Variants in PKN2 observed in about 807,000 individuals in gnomAD.
PKN2 encodes protein kinase N2, also known as serine/threonine-protein kinase N2.
Under a neutral mutation model 119.1 loss-of-function variants are expected in PKN2, and 38 were observed. The ratio of observed to expected loss-of-function variants is 0.32; its 90% CI spans 0.25 to 0.42. The LOEUF (loss-of-function observed/expected upper bound fraction) is 0.42, where lower values mean the gene tolerates loss of function less well. Ranked by LOEUF, PKN2 falls within the 10% of genes least tolerant of loss-of-function variation. PKN2 has a pLI of 1.00. For synonymous variants in PKN2, 390 were observed against 384.9 expected (o/e 1.01, Z -0.15); for missense variants, 850 against 1,165.1 (o/e 0.73, Z 3.94).
chr1:88,695,810 C>G (rs887701079), intron 1 of PKN2, among the ~76,000 whole-genome samples: 1 of 152,182 alleles, frequency 6.6e-6, no homozygotes, highest in Non-Finnish European at 1.5e-5. Flanking sequence ...GCATTATCCA[C>G]TGGCTCTTGG....
intron 2 of PKN2, among the ~76,000 whole-genome samples, chr1:88,756,804 A>C (rs995606621): frequency 6.6e-6 from 1 of 152,210 alleles, no homozygotes; most frequent in Non-Finnish European, 1.5e-5. Flanking sequence ...CTGCTGGTTA[A>C]TATTTATTGC....
intron 2 of PKN2, among the ~76,000 whole-genome samples, chr1:88,750,626 G>C (rs1424326146): frequency 2.0e-5 from 3 of 151,996 alleles, no homozygotes; most frequent in Non-Finnish European, 4.4e-5. Flanking sequence ...CCACCCTTTT[G>C]GATATTACCT....
intron 2 of PKN2, among the ~76,000 whole-genome samples, chr1:88,751,978 T>C (rs1669018471): frequency 6.6e-6 from 1 of 152,056 alleles, no homozygotes; most frequent in Non-Finnish European, 1.5e-5. Flanking sequence ...ATATCCTTTG[T>C]CTTCAGTGTT....
At chr1:88,742,346 A>G (rs901799210) in intron 2 of PKN2, among the ~76,000 whole-genome samples, 2 of 152,192 alleles carry the variant, frequency 1.3e-5, no homozygotes, top group African/African-American at 4.8e-5. Context: ...AACACTACTG[A>G]TATTTAGTGT....
intron 6 of PKN2, among the ~76,000 whole-genome samples, chr1:88,777,625 CTATTTCA>C (rs894960116): frequency 6.6e-5 from 10 of 152,162 alleles, no homozygotes; most frequent in African/African-American, 2.4e-4. Context: ...CCTGAGGTGT[CTATTTCA>C]TTAATATATT....
chr1:88,714,262 C>T (rs998955300), intron 1 of PKN2, among the ~76,000 whole-genome samples: 7 of 152,196 alleles, frequency 4.6e-5, no homozygotes, highest in Non-Finnish European at 8.8e-5. Context: ...CTTGGCAATG[C>T]GGGCTCTTTT....
intron 2 of PKN2, among the ~76,000 whole-genome samples, chr1:88,751,214 T>C (rs1408521874): frequency 6.6e-6 from 1 of 152,058 alleles, no homozygotes; most frequent in Non-Finnish European, 1.5e-5. Context: ...ATTAGCAGAA[T>C]CTAGGTGATG....
intron 18 of PKN2, among the ~76,000 whole-genome samples, chr1:88,825,595 C>T (rs1292831118): frequency 6.6e-6 from 1 of 152,166 alleles, no homozygotes; most frequent in South Asian, 2.1e-4. Flanking sequence ...GCCACTTAAC[C>T]TCCTGAATAT....
intron 1 of PKN2, among the ~76,000 whole-genome samples, chr1:88,709,743 G>T (rs544276911): frequency 6.6e-6 from 1 of 152,254 alleles, no homozygotes; most frequent in Admixed American, 6.5e-5. Flanking sequence ...TATTCAAATT[G>T]TGTATTACTC....
intron 2 of PKN2, 76 bp downstream of exon 2, chr1:88,741,364 T>C: frequency 1.0e-6 from 1 of 966,714 alleles, no homozygotes; most frequent in Non-Finnish European, 1.4e-6. Flanking sequence ...ATAGTAAGTT[T>C]GGGGACATGA....
chr1:88,745,775 C>T (rs1044510820), intron 2 of PKN2, among the ~76,000 whole-genome samples: 3 of 152,042 alleles, frequency 2.0e-5, no homozygotes, highest in Admixed American at 1.3e-4. Flanking sequence ...AGACCCTACA[C>T]CATCTTGAGC....
intron 3 of PKN2, among the ~76,000 whole-genome samples, chr1:88,764,525 T>C (rs992066630): frequency 6.6e-6 from 1 of 152,214 alleles, no homozygotes; most frequent in African/African-American, 2.4e-5. Context: ...GAAACAATAC[T>C]CCATTGAAAT....
intron 12 of PKN2, among the ~76,000 whole-genome samples, chr1:88,806,660 A>G (rs1264585177): frequency 2.6e-5 from 4 of 152,202 alleles, no homozygotes; most frequent in African/African-American, 9.6e-5. Context: ...ACTGCCTGAA[A>G]TACTATTCTT....
intron 1 of PKN2, among the ~76,000 whole-genome samples, chr1:88,707,430 A>G (rs182615712): frequency 1.0e-3 from 152 of 152,230 alleles, no homozygotes; most frequent in African/African-American, 3.6e-3. Context: ...TGCATTGCAT[A>G]TATTATAAAT....
At chr1:88,775,002 C>T (rs953623333) in intron 6 of PKN2, among the ~76,000 whole-genome samples, 4 of 152,200 alleles carry the variant, frequency 2.6e-5, no homozygotes, top group Non-Finnish European at 5.9e-5. Flanking sequence ...AGCCACTATG[C>T]CCAGCCTCTA....
At chr1:88,697,363 T>A (rs527938334) in intron 1 of PKN2, among the ~76,000 whole-genome samples, 89 of 152,188 alleles carry the variant, frequency 5.8e-4, no homozygotes, top group Non-Finnish European at 6.6e-4. Context: ...CTTCTCTAAA[T>A]TTCCAAAAGC....
intron 18 of PKN2, 51 bp from the exon 19 acceptor site, chr1:88,828,430 T>C: frequency 6.7e-7 from 1 of 1,486,968 alleles, no homozygotes; most frequent in South Asian, 1.2e-5. Context: ...TTTTTTTTTA[T>C]GCTAGATTTG....
At chr1:88,802,378 T>A (rs574892139) in intron 8 of PKN2, among the ~76,000 whole-genome samples, 12 of 151,738 alleles carry the variant, frequency 7.9e-5, no homozygotes, top group Admixed American at 2.6e-4. Flanking sequence ...CAGGCTGGAG[T>A]GTAGTGGCAT....
At chr1:88,760,699 A>G (rs1669407910) in intron 3 of PKN2, among the ~76,000 whole-genome samples, 1 of 152,108 alleles carries the variant, frequency 6.6e-6, no homozygotes, top group African/African-American at 2.4e-5. Flanking sequence ...TTTAAACACT[A>G]TATTGTGACA....
Sources: gnomAD v4.1 joint callset for allele counts (sites outside exome capture counted in the v4.1 genomes callset) on GRCh38, gnomAD v4.1.1 for gene constraint, MANE v1.5 for transcripts, NCBI Gene and HGNC (gene_info 2026-07-23, HGNC 2026-07-21) for gene names.